The following RFTN1 variants were observed in gnomAD, a reference collection of about 807,000 sequenced individuals.
The protein encoded by RFTN1 is raftlin, lipid raft linker 1.
RFTN1 carries 26 observed loss-of-function variants against 46.5 expected under a neutral mutation model. The observed-to-expected ratio is 0.56, with a 90% CI of 0.41 to 0.78. RFTN1 has a LOEUF of 0.78. RFTN1 is among the 30% of genes least tolerant of loss of function. The probability of loss-of-function intolerance (pLI) is 0.00; values close to 1 mark genes in which losing one functional copy is unlikely to be tolerated. For missense variants in RFTN1, 693 were observed against 718.7 expected, an observed-to-expected ratio of 0.96 and a Z score of 0.41; for synonymous variants, 261 against 284.2, an observed-to-expected ratio of 0.92 and a Z score of 0.82.
At chr3:16,343,209 G>A (rs946429585) in intron 7 of RFTN1, among the ~76,000 whole-genome samples, 4 of 152,166 alleles carry the variant, frequency 2.6e-5, no homozygotes, top group African/African-American at 9.7e-5. Context: ...CACTGCGCTA[G>A]TCCTTCCTGC....
intron 2 of RFTN1, among the ~76,000 whole-genome samples, chr3:16,437,226 G>A (rs1429009018): frequency 6.6e-6 from 1 of 152,190 alleles, no homozygotes; most frequent in Non-Finnish European, 1.5e-5. Flanking sequence ...ATGCAAGGGT[G>A]TTGGGGAAAC....
chr3:16,383,910 A>AT lies in RFTN1; in HGVS notation c.442-5809dup, dbSNP rs2074078344. Among the ~76,000 whole-genome samples the AT allele has an allele frequency of 6.6e-6, 1 of 152,192 alleles. No individual in the cohort carries two copies. On this transcript the variant is annotated intron_variant, in intron 4 of 9. Transcript: ENST00000334133. This position sits in a 1 kb window ranked among gnomAD's most constrained non-coding sequence, Gnocchi z 4.0. Reference sequence around the variant, plus strand: ...TCTAAGGAGGATGGTGTCACAGTTAATTTTATGTCCACTTGACTGAACTAT... The same window carrying AT: ...TCTAAGGAGGATGGTGTCACAGTTAATTTTTATGTCCACTTGACTGAACTAT...
At position 16,427,808 on chromosome 3, in the gene RFTN1, G is replaced by T. The variant is rs1296389708; in HGVS notation, c.332+6043C>A. Reference sequence around the variant, plus strand: ...GCCTGCCCTCCCACTGTTTCTCTTTGGACACCACGTTCCACTTGTTCCACA... The same window carrying T: ...GCCTGCCCTCCCACTGTTTCTCTTTTGACACCACGTTCCACTTGTTCCACA... On this transcript the variant is annotated intron_variant, in intron 3 of 9. Transcript: ENST00000334133. The surrounding 1 kb of genome is among the most constrained non-coding windows in gnomAD (Gnocchi z 5.4). Among the ~76,000 whole-genome samples, 1 of 152,028 alleles carries T rather than the reference G, an allele frequency of 6.6e-6. No homozygotes were observed. Among genetic ancestry groups the T allele is most frequent in the East Asian group, 1.9e-4 (1 of 5,176 alleles).
intron 7 of RFTN1, among the ~76,000 whole-genome samples, chr3:16,332,697 C>T (rs58700524): frequency 0.014 from 2,064 of 152,312 alleles, 27 homozygotes; most frequent in African/African-American, 0.031. Flanking sequence ...GCACCCTTCT[C>T]GTCCAGGTTG....
rs2076678079 is a variant in RFTN1, at chr3:16,499,593, C to A, written c.-8-5716G>T. 6.6e-6 allele frequency among the ~76,000 whole-genome samples: 1 copy of A among 152,250 alleles called. No homozygotes were observed. On this transcript the variant is annotated intron_variant, in intron 1 of 9. Transcript: ENST00000334133. The surrounding 1 kb of genome is among the most constrained non-coding windows in gnomAD (Gnocchi z 4.9). The stretch of plus-strand genomic sequence containing the variant: ...GCTGTTTCACCAAGCCCTGCCAAAG[C>A]TGCAGATTCCTGAGCAAAATAAGCT...
rs757471646 is a variant in RFTN1 at position 16,418,411 on chromosome 3, TC to T, written c.333-8929del. Among the ~76,000 whole-genome samples the T allele has an allele frequency of 2.0e-5, 3 of 152,182 alleles. No homozygotes were observed. The highest frequency in any genetic ancestry group is 2.9e-5 in the Non-Finnish European group (2 of 68,028). The stretch of plus-strand genomic sequence containing the variant: ...AAGACCATGAGTTTAAACGATGTCT[TC>T]TTTTTCCCAGGACAACAGGCAGTTA... On this transcript the variant is annotated intron_variant, in intron 3 of 9. Coordinates refer to ENST00000334133, the MANE Select transcript of RFTN1 (RefSeq NM_015150.2). The surrounding 1 kb of genome is among the most constrained non-coding windows in gnomAD (Gnocchi z 5.0).
In RFTN1 at chr3:16,370,602, G is replaced by A. The variant is rs972930046; in HGVS notation, c.827-323C>T. On this transcript the variant is annotated intron_variant, in intron 5 of 9. Coordinates refer to ENST00000334133, the MANE Select transcript of RFTN1 (RefSeq NM_015150.2). The surrounding 1 kb of genome is among the most constrained non-coding windows in gnomAD (Gnocchi z 5.5). Reference sequence around the variant, plus strand: ...GAAAAGAACATAGCAGATGGTTCTAGAAATTCATACAAAGATGTGTTTTAG... The same window carrying A: ...GAAAAGAACATAGCAGATGGTTCTAAAAATTCATACAAAGATGTGTTTTAG... 6.6e-6 allele frequency among the ~76,000 whole-genome samples: 1 copy of A among 152,218 alleles called. No individual in the cohort carries two copies. The highest frequency in any genetic ancestry group is 1.5e-5 in the Non-Finnish European group (1 of 68,040).
chr3:16,332,804 TTCTAA>T (rs10574940), intron 7 of RFTN1, among the ~76,000 whole-genome samples: 103,673 of 151,570 alleles, frequency 0.68, 35,598 homozygotes, highest in Middle Eastern at 0.72. Context: ...CTTTATCTTC[TTCTAA>T]TCTTTTTGTT....
intron 1 of RFTN1, among the ~76,000 whole-genome samples, chr3:16,495,351 C>G (rs960893651): frequency 6.6e-6 from 1 of 152,336 alleles, no homozygotes; most frequent in South Asian, 2.1e-4. Flanking sequence ...GAACACGTAG[C>G]CCGTCAAGAT....
Position 16,403,679 on chromosome 3 carries a change from AAT to A in RFTN1, c.441+5694_441+5695del, listed in dbSNP as rs796417385. On this transcript the variant is annotated intron_variant, in intron 4 of 9. Coordinates refer to ENST00000334133, the MANE Select transcript of RFTN1 (RefSeq NM_015150.2). ...TATATATTTTATGTATATAATATAT[AAT>A]ATATATATAATATATATTTTATGTA... 1.8e-3 allele frequency among the ~76,000 whole-genome samples: 39 copies of A among 22,024 alleles called. 8 individuals are homozygous for A. Among genetic ancestry groups the A allele is most frequent in the Admixed American group, 6.1e-3 (7 of 1,154 alleles). The allele number at this position is 22,024 out of a possible 152,430, so 14.4% of individuals were successfully genotyped here.
intron 4 of RFTN1, among the ~76,000 whole-genome samples, chr3:16,398,017 C>T (rs896536836): frequency 2.0e-5 from 3 of 152,018 alleles, no homozygotes; most frequent in Non-Finnish European, 4.4e-5. Flanking sequence ...GAGGCTGAGG[C>T]AGGTGGATCT....
At chr3:16,405,149 A>G (rs1020627807) in intron 4 of RFTN1, among the ~76,000 whole-genome samples, 9 of 152,056 alleles carry the variant, frequency 5.9e-5, no homozygotes, top group Admixed American at 6.6e-5. Context: ...AGCCCTGAGG[A>G]GTGGGAAATT....
intron 4 of RFTN1, among the ~76,000 whole-genome samples, chr3:16,404,313 T>TTATATATAATATATAATATATAA (rs2074782304): frequency 2.5e-4 from 4 of 16,108 alleles, no homozygotes; most frequent in South Asian, 3.0e-3. Flanking sequence ...GTAATATATA[T>TTATATATAATATATAATATATAA]TATATATAAT....
rs1336074115 is a variant in RFTN1 at position 16,428,435 on chromosome 3, A to G, written c.332+5416T>C. ...GAGATGCCACAGTATTACATTTTAT[A>G]TGCACTTCAAAAGATTTTCAAGGGT... On this transcript the variant is annotated intron_variant, in intron 3 of 9. Coordinates refer to ENST00000334133, the MANE Select transcript of RFTN1 (RefSeq NM_015150.2). This position sits in a 1 kb window ranked among gnomAD's most constrained non-coding sequence, Gnocchi z 4.7. Among the ~76,000 whole-genome samples the G allele has an allele frequency of 6.6e-6, 1 of 152,242 alleles. No individual in the cohort carries two copies. Among genetic ancestry groups the G allele is most frequent in the East Asian group, 1.9e-4 (1 of 5,206 alleles).
At chr3:16,464,019 A>C (rs1204651417) in intron 2 of RFTN1, among the ~76,000 whole-genome samples, 2 of 152,046 alleles carry the variant, frequency 1.3e-5, no homozygotes, top group African/African-American at 4.8e-5. Context: ...ACTGAACTGT[A>C]AATCCTTATT....
In RFTN1 at chr3:16,329,169, G is replaced by A. The variant is rs965365383; in HGVS notation, c.1147-2293C>T. Among the ~76,000 whole-genome samples the A allele has an allele frequency of 2.6e-5, 4 of 152,198 alleles. No homozygotes were observed. Among genetic ancestry groups the A allele is most frequent in the African/African-American group, 4.8e-5 (2 of 41,466 alleles). On this transcript the variant is annotated intron_variant, in intron 7 of 9. Coordinates refer to ENST00000334133, the MANE Select transcript of RFTN1 (RefSeq NM_015150.2). This position sits in a 1 kb window ranked among gnomAD's most constrained non-coding sequence, Gnocchi z 4.5. Reference sequence around the variant, plus strand: ...TCCTGCTCTCTCCCCTCTTTTCTGCGCTTCCGCCTCGGGATGACGCAGCAA... The same window carrying A: ...TCCTGCTCTCTCCCCTCTTTTCTGCACTTCCGCCTCGGGATGACGCAGCAA...
intron 6 of RFTN1, among the ~76,000 whole-genome samples, chr3:16,367,428 G>A (rs899463148): frequency 1.3e-5 from 2 of 152,134 alleles, no homozygotes; most frequent in Non-Finnish European, 2.9e-5. Flanking sequence ...ACATATAAAG[G>A]GTGAAATGGT....
rs2070763373 is a variant in RFTN1 at position 16,335,567 on chromosome 3, AAC to A, written c.1147-8693_1147-8692del. 6.6e-6 allele frequency among the ~76,000 whole-genome samples: 1 copy of A among 152,142 alleles called. No individual in the cohort carries two copies. The highest frequency in any genetic ancestry group is 2.4e-5 in the African/African-American group (1 of 41,424). The stretch of plus-strand genomic sequence containing the variant: ...ACAAGTGGGAGAGCTGAACGGTGAA[AAC>A]ACATGTGAAAACACATGGACACATG... On this transcript the variant is annotated intron_variant, in intron 7 of 9. Transcript: ENST00000334133. The surrounding 1 kb of genome is among the most constrained non-coding windows in gnomAD (Gnocchi z 4.7).
rs578227704 is a variant in RFTN1, at chr3:16,385,158, C to G, written c.442-7056G>C. ...GGTGTCAAGAACAGGTACAAAAATG[C>G]CATTCTGGGTTGCAGTTACACATGA... On this transcript the variant is annotated intron_variant, in intron 4 of 9. Transcript: ENST00000334133. The surrounding 1 kb of genome is among the most constrained non-coding windows in gnomAD (Gnocchi z 5.0). 6.6e-6 allele frequency among the ~76,000 whole-genome samples: 1 copy of G among 152,220 alleles called. No homozygotes were observed. Among genetic ancestry groups the G allele is most frequent in the Non-Finnish European group, 1.5e-5 (1 of 68,014 alleles).
Sources: allele counts gnomAD v4.1 joint callset (sites outside exome capture counted in the v4.1 genomes callset), GRCh38; gene constraint gnomAD v4.1.1; non-coding constraint Gnocchi (gnomAD v3.1); transcripts MANE v1.5; gene names NCBI Gene and HGNC (gene_info 2026-07-23, HGNC 2026-07-21).